The following CEP112 variants were observed in gnomAD, a reference collection of about 807,000 sequenced individuals.
CEP112 encodes centrosomal protein 112.
A neutral mutation model predicts 153.0 loss-of-function variants in CEP112; 127 were observed. The ratio of observed to expected loss-of-function variants is 0.83; its 90% confidence interval spans 0.72 to 0.96. The LOEUF is 0.96. Ranked by LOEUF, CEP112 falls within the 40% of genes least tolerant of loss-of-function variation. The pLI, the probability that CEP112 is intolerant of heterozygous loss-of-function variation, is 0.00. For missense variants in CEP112, 1,089 were observed against 1,101.2 expected, an observed-to-expected ratio of 0.99 and a Z score of 0.16; for synonymous variants, 358 against 374.4, an observed-to-expected ratio of 0.96 and a Z score of 0.51.
chr17:65,677,778 T>A (rs1395769259), intron 24 of CEP112, among the ~76,000 whole-genome samples: 1 of 152,040 alleles, frequency 6.6e-6, no homozygotes, highest in Non-Finnish European at 1.5e-5. Context: ...CCAGGTGTGG[T>A]GGCACACACC....
intron 21 of CEP112, among the ~76,000 whole-genome samples, chr17:65,818,127 T>C (rs1045283407): frequency 6.6e-6 from 1 of 151,826 alleles, no homozygotes; most frequent in African/African-American, 2.4e-5. Context: ...TAAACTGGTC[T>C]TGTAGCAATT....
At chr17:66,083,097 C>G (rs1265187619) in intron 8 of CEP112, among the ~76,000 whole-genome samples, 2 of 152,078 alleles carry the variant, frequency 1.3e-5, no homozygotes, top group African/African-American at 4.8e-5. Flanking sequence ...TGTCCTCACC[C>G]AAATATCATC....
intron 18 of CEP112, among the ~76,000 whole-genome samples, chr17:65,927,962 T>A (rs987241555): frequency 2.0e-5 from 3 of 152,190 alleles, no homozygotes; most frequent in Non-Finnish European, 2.9e-5. Context: ...TTCTAATATT[T>A]ATTGAACAAA....
intron 12 of CEP112, among the ~76,000 whole-genome samples, chr17:66,035,162 G>A (rs2065680480): frequency 6.6e-6 from 1 of 151,058 alleles, no homozygotes; most frequent in East Asian, 1.9e-4. Context: ...TTTGACTAAG[G>A]AATTATTAAA....
chr17:65,747,970 C>T (rs888931591), intron 22 of CEP112, among the ~76,000 whole-genome samples: 3 of 152,014 alleles, frequency 2.0e-5, no homozygotes, highest in Non-Finnish European at 4.4e-5. Context: ...TTTTAAAAAC[C>T]CAACAGAGTT....
chr17:66,017,106 C>T (rs972798169), intron 16 of CEP112, among the ~76,000 whole-genome samples: 1 of 152,184 alleles, frequency 6.6e-6, no homozygotes, highest in Admixed American at 6.5e-5. Context: ...GATTGAATAA[C>T]TCAAGGTTAT....
intron 17 of CEP112, among the ~76,000 whole-genome samples, chr17:65,970,064 T>C (rs893769456): frequency 9.8e-5 from 15 of 152,334 alleles, no homozygotes; most frequent in African/African-American, 3.6e-4. Context: ...ATCACATGTG[T>C]ATTGCAAACA....
At chr17:65,701,019 A>C (rs2144583473) in intron 23 of CEP112, among the ~76,000 whole-genome samples, 1 of 152,344 alleles carries the variant, frequency 6.6e-6, no homozygotes, top group Non-Finnish European at 1.5e-5. Flanking sequence ...GAAAAGAATA[A>C]AAAAGCACAA....
At chr17:65,830,862 G>C (rs1163990107) in intron 21 of CEP112, among the ~76,000 whole-genome samples, 1 of 152,208 alleles carries the variant, frequency 6.6e-6, no homozygotes, top group Non-Finnish European at 1.5e-5. Context: ...CCCCAGACCA[G>C]AAAACAGTGG....
intron 6 of CEP112, among the ~76,000 whole-genome samples, chr17:66,111,415 C>T (rs1162355729): frequency 1.3e-5 from 2 of 152,122 alleles, no homozygotes; most frequent in East Asian, 1.9e-4. Flanking sequence ...ATGTTCATTG[C>T]AGTACTATTC....
intron 18 of CEP112, among the ~76,000 whole-genome samples, chr17:65,933,478 A>G (rs1208905061): frequency 2.6e-5 from 4 of 152,214 alleles, no homozygotes; most frequent in African/African-American, 9.7e-5. Context: ...TAACATGGCT[A>G]TCAGCAGATT....
At chr17:66,121,765 T>TCCACTGAGTACACTGTACTCAGGAGTACA (rs1169052996) in intron 6 of CEP112, among the ~76,000 whole-genome samples, 6 of 151,832 alleles carry the variant, frequency 4.0e-5, no homozygotes, top group Non-Finnish European at 7.4e-5. Context: ...ACAGTGGCTA[T>TCCACTGAGTACACTGTACTCAGGAGTACA]GCCTCCTGAG....
At chr17:65,658,524 CA>C (rs749003342) in intron 24 of CEP112, among the ~76,000 whole-genome samples, 20 of 152,250 alleles carry the variant, frequency 1.3e-4, no homozygotes, top group Non-Finnish European at 2.4e-4. Context: ...GGGTACAGTA[CA>C]GGGAGTTGGT....
intron 11 of CEP112, among the ~76,000 whole-genome samples, chr17:66,055,273 T>C (rs1245952861): frequency 1.3e-5 from 2 of 152,218 alleles, no homozygotes; most frequent in East Asian, 3.8e-4. Flanking sequence ...ATAGGAAGAA[T>C]GAGGATGCTC....
chr17:65,656,716 G>C (rs1002415130), intron 24 of CEP112, among the ~76,000 whole-genome samples: 5 of 152,218 alleles, frequency 3.3e-5, no homozygotes, highest in African/African-American at 1.2e-4. Flanking sequence ...CCTGTGACTA[G>C]ACCAAGCTCC....
rs189050187 is a variant in CEP112, at chr17:65,915,660, T to G, written c.1980+11922A>C. Among the ~76,000 whole-genome samples, 253 of 151,598 alleles carry G rather than the reference T, an allele frequency of 1.7e-3. 6 individuals are homozygous for G. Among genetic ancestry groups the G allele is most frequent in the Admixed American group, 0.015 (235 of 15,194 alleles). On this transcript the variant is annotated intron_variant, in intron 19 of 26. Transcript: ENST00000535342. ...AAAATTAGCCAGGCGTGGTGGTGGG[T>G]GCCTGTAGTCTCAGTTACTTGGGAG...
At chr17:65,993,684 T>C (rs2063678747) in intron 17 of CEP112, among the ~76,000 whole-genome samples, 1 of 152,136 alleles carries the variant, frequency 6.6e-6, no homozygotes, top group Non-Finnish European at 1.5e-5. Context: ...ACTACAATGA[T>C]ACACAACAAT....
intron 2 of CEP112, among the ~76,000 whole-genome samples, chr17:66,177,232 A>G (rs2072520289): frequency 1.3e-5 from 2 of 152,232 alleles, no homozygotes; most frequent in South Asian, 2.1e-4. Flanking sequence ...CTCAGAGACC[A>G]TAAGTAAACA....
intron 23 of CEP112, among the ~76,000 whole-genome samples, chr17:65,709,924 G>A (rs2144697497): frequency 1.3e-5 from 2 of 152,288 alleles, no homozygotes; most frequent in South Asian, 4.2e-4. Context: ...AAAATCATCA[G>A]TAGTTCTGCT....
Sources: gnomAD v4.1 joint callset for allele counts (sites outside exome capture counted in the v4.1 genomes callset) on GRCh38, gnomAD v4.1.1 for gene constraint, MANE v1.5 for transcripts, NCBI Gene and HGNC (gene_info 2026-07-23, HGNC 2026-07-21) for gene names.